MROH7: variants seen among roughly 807,000 people sequenced by gnomAD.
The protein encoded by MROH7 is maestro heat like repeat family member 7, also known as maestro heat-like repeat-containing protein family member 7.
A neutral mutation model predicts 129.2 loss-of-function variants in MROH7; 113 were observed. That is an observed-to-expected ratio of 0.87 (90% CI 0.75 to 1.02). The LOEUF (loss-of-function observed/expected upper bound fraction) is 1.02. Ranked by LOEUF, MROH7 falls within the 50% of genes least tolerant of loss-of-function variation. The pLI, the probability that MROH7 is intolerant of heterozygous loss-of-function variation, is 0.00. For synonymous variants in MROH7, 655 were observed against 667.9 expected (o/e 0.98, Z 0.30); for missense variants, 1,601 against 1,671.3 (o/e 0.96, Z 0.73).
At chr1:54,666,607 A>AT (rs72498938) in intron 4 of MROH7, among the ~76,000 whole-genome samples, 115,333 of 146,786 alleles carry the variant, frequency 0.79, 45,547 homozygotes, top group East Asian at 1. Flanking sequence ...GCCCTGGGCT[A>AT]TTTTTTTTTT....
chr1:54,696,732 C>T (rs965070202), intron 17 of MROH7, among the ~76,000 whole-genome samples: 21 of 119,034 alleles, frequency 1.8e-4, no homozygotes, highest in African/African-American at 4.0e-4. Context: ...AGTGCAGTGG[C>T]GTGATTTTGG....
At chr1:54,656,374 GT>G (rs1367423193) in intron 3 of MROH7, among the ~76,000 whole-genome samples, 2 of 150,242 alleles carry the variant, frequency 1.3e-5, no homozygotes, top group Non-Finnish European at 3.0e-5. Flanking sequence ...TGCTGGTGTG[GT>G]GGCACACTCC....
At position 54,695,475 on chromosome 1, in the gene MROH7, C is replaced by A; in HGVS notation, c.2949C>A (p.Thr983=). The change falls in exon 17 of 24, where the codon ACC becomes ACA. Residue 983 remains threonine (T), a synonymous_variant. Transcript: ENST00000421030. The part of the protein sequence containing the change: ...RGDEKHRITA[T]AFFVELLQME... ...ACGAGAAGCACAGGATCACGGCCAC[C>A]GCCTTCTTCGTGGAGGTACCAACGG... 6.2e-7 allele frequency: 1 copy of A among 1,613,302 alleles called. No individual in the cohort carries two copies. The highest frequency in any genetic ancestry group is 8.5e-7 in the Non-Finnish European group (1 of 1,179,592).
At chr1:54,667,018 A>G (rs1644824951) in intron 4 of MROH7, among the ~76,000 whole-genome samples, 1 of 152,302 alleles carries the variant, frequency 6.6e-6, no homozygotes, top group Non-Finnish European at 1.5e-5. Flanking sequence ...GTGGGGTATC[A>G]GTTTCTGAGC....
rs192959490 is a variant in MROH7, at chr1:54,690,157, C to T, written c.2712-2267C>T. On this transcript the variant is annotated intron_variant, in intron 15 of 23. Coordinates refer to ENST00000421030, the MANE Select transcript of MROH7 (RefSeq NM_001039464.4). ...TGAGTGTTTGGGGACACAAGAGCCA[C>T]CCCACCACCCACAGCACAGCCCTCC... 4.9e-3 allele frequency among the ~76,000 whole-genome samples: 751 copies of T among 152,292 alleles called. 13 individuals carry two copies. Among genetic ancestry groups the T allele is most frequent in the African/African-American group, 0.017 (715 of 41,558 alleles).
intron 13 of MROH7, 138 bp from the exon 14 acceptor site, chr1:54,682,518 T>C: frequency 1.3e-6 from 1 of 798,640 alleles, no homozygotes; most frequent in Admixed American, 2.4e-5. Flanking sequence ...GGGAGTGTTT[T>C]CTGGACTATT....
intron 6 of MROH7, 68 bp downstream of exon 6, chr1:54,670,644 T>G: frequency 6.6e-7 from 1 of 1,516,070 alleles, no homozygotes; most frequent in Admixed American, 2.0e-5. Flanking sequence ...CCTCCCTCCA[T>G]CTCTTCGCTG....
chr1:54,664,960 C>T (rs569911514), intron 3 of MROH7, among the ~76,000 whole-genome samples: 230 of 152,060 alleles, frequency 1.5e-3, no homozygotes, highest in African/African-American at 5.4e-3. Context: ...TGCAGTGAGC[C>T]GAGATAGCGC....
intron 22 of MROH7, among the ~76,000 whole-genome samples, chr1:54,708,664 G>T (rs1213001746): frequency 6.6e-6 from 1 of 152,138 alleles, no homozygotes; most frequent in Admixed American, 6.5e-5. Context: ...TTACATTACT[G>T]CTCAAACTCC....
chr1:54,650,208 A>G (rs1001476894), intron 1 of MROH7, among the ~76,000 whole-genome samples: 2 of 152,176 alleles, frequency 1.3e-5, no homozygotes, highest in African/African-American at 4.8e-5. Context: ...TGTGTTCCCT[A>G]TCTTAGAGAT....
intron 3 of MROH7, among the ~76,000 whole-genome samples, chr1:54,655,823 T>C (rs926845768): frequency 2.0e-5 from 3 of 152,040 alleles, no homozygotes; most frequent in Admixed American, 6.6e-5. Flanking sequence ...TATGCTTTAC[T>C]AGGATTTAAA....
At position 54,654,050 on chromosome 1, in the gene MROH7, A is replaced by C; in HGVS notation, c.1124A>C (p.Glu375Ala). The part of the protein sequence containing the change: ...IHTVPLEENL[E>A]SWSEMASIKV... ...ACTGTGCCCCTGGAGGAGAATCTGG[A>C]GAGTTGGAGTGAGATGGCCAGCATT... Residue 375 changes from glutamate (E) to alanine (A), a missense_variant, in exon 3 of 24, where the codon GAG becomes GCG. Physicochemically the swap from Glu to Ala is moderately radical, Grantham distance 107. Transcript: ENST00000421030. 6.2e-7 allele frequency: 1 copy of C among 1,614,216 alleles called. No individual in the cohort carries two copies. The highest frequency in any genetic ancestry group is 1.1e-5 in the South Asian group (1 of 91,082).
intron 17 of MROH7, among the ~76,000 whole-genome samples, chr1:54,696,786 C>T (rs1645331087): frequency 7.0e-6 from 1 of 143,590 alleles, no homozygotes; most frequent in Admixed American, 7.7e-5. Flanking sequence ...ATTCTTCTGT[C>T]TCAGCCTCCC....
In MROH7 at chr1:54,652,931, C is replaced by T. The variant is rs372421581; in HGVS notation, c.5C>T (p.Ala2Val). 13 of 1,581,336 alleles carry T rather than the reference C, an allele frequency of 8.2e-6. No individual in the cohort carries two copies. In the African/African-American group the frequency reaches 1.6e-4, roughly 20 times the overall value. ...TGAGAGACCTCCAGACTGGACATGG[C>T]CCTGAGTCCAGGGGCTAACCTGGTC... Reference protein sequence around the residue: MALSPGANLVFH... With the variant: MVLSPGANLVFH... Residue 2 changes from alanine (A) to valine (V), a missense_variant, in exon 3 of 24, where the codon GCC becomes GTC. By Grantham distance (64) the Ala-to-Val change is moderately conservative. Transcript: ENST00000421030.
chr1:54,667,897 C>G (rs1272754057), intron 4 of MROH7, among the ~76,000 whole-genome samples: 1 of 152,228 alleles, frequency 6.6e-6, no homozygotes, highest in Non-Finnish European at 1.5e-5. Flanking sequence ...TTATAGCGAG[C>G]TGTGACTGCA....
chr1:54,668,991 C>T, intron 5 of MROH7, 54 bp downstream of exon 5: 2 of 1,348,094 alleles, frequency 1.5e-6, no homozygotes, highest in South Asian at 2.4e-5. Flanking sequence ...GGCAGAATTC[C>T]TGAGTCCACC....
intron 17 of MROH7, 166 bp downstream of exon 17, chr1:54,695,656 C>T: frequency 1.5e-6 from 1 of 680,438 alleles, no homozygotes; most frequent in Admixed American, 2.0e-5. Flanking sequence ...CCCTCCCCTC[C>T]CTGTCTCTCC....
In MROH7 at chr1:54,686,377, C is replaced by A. The variant is rs545100293; in HGVS notation, c.2640C>A (p.Asn880Lys). The A allele has an allele frequency of 1.2e-6, 2 of 1,614,086 alleles. No individual in the cohort carries two copies. Among genetic ancestry groups the A allele is most frequent in the Non-Finnish European group, 1.7e-6 (2 of 1,180,050 alleles). ...AGGTCCATTACCACATCGGCCTCAA[C>A]CTGCCTGGCTGCGTGGCTCCTCCCA... ...LIQVHYHIGL[N>K]LPGCVAPPKD... The change falls in exon 15 of 24, where the codon AAC becomes AAA. Residue 880 changes from asparagine to lysine, a missense_variant. Coordinates refer to ENST00000421030, the MANE Select transcript of MROH7 (RefSeq NM_001039464.4).
At position 54,670,798 on chromosome 1, in the gene MROH7, A is replaced by G; in HGVS notation, c.1470-2A>G. The G allele has an allele frequency of 6.2e-7, 1 of 1,613,286 alleles. No individual in the cohort carries two copies. Among genetic ancestry groups the G allele is most frequent in the Non-Finnish European group, 8.5e-7 (1 of 1,179,840 alleles). On this transcript the variant is annotated splice_acceptor_variant, in intron 6 of 23. Coordinates refer to ENST00000421030, the MANE Select transcript of MROH7 (RefSeq NM_001039464.4). LOFTEE classifies it high-confidence loss of function. ...TTTCTTTGCTTTCTGCCTCTTCTCC[A>G]GCCACACCCAGCCCACCCTGGGCAT...
Sources: gnomAD v4.1 joint callset for allele counts (sites outside exome capture counted in the v4.1 genomes callset) on GRCh38, gnomAD v4.1.1 for gene constraint, MANE v1.5 for transcripts, NCBI Gene and HGNC (gene_info 2026-07-23, HGNC 2026-07-21) for gene names.